FCHO1: variants seen among roughly 807,000 people sequenced by gnomAD.
FCHO1 encodes the protein F-BAR domain only protein 1.
FCHO1 carries 45 observed loss-of-function variants against 114.4 expected under a neutral mutation model. The observed-to-expected ratio is 0.39, with a 90% confidence interval of 0.31 to 0.50. The LOEUF is 0.50. Ranked by LOEUF, FCHO1 falls within the 20% of genes least tolerant of loss-of-function variation. FCHO1 has a pLI of 0.77. For missense variants in FCHO1, 1,042 were observed against 1,209.6 expected (o/e 0.86, Z 2.06); for synonymous variants, 480 against 488.9 (o/e 0.98, Z 0.24).
chr19:17,781,169 C>A, intron 20 of FCHO1, 62 bp from the exon 21 acceptor site: 1 of 1,253,758 alleles, frequency 8.0e-7, no homozygotes, highest in Non-Finnish European at 1.1e-6. Context: ...GTTTGTGCCC[C>A]TGGGGAGGCC....
At position 17,771,168 on chromosome 19, in the gene FCHO1, A is replaced by T. The variant is rs1195499760; in HGVS notation, c.594+272A>T. ...CTCAGGAGGCTGAGGCGGGAGAATC[A>T]CTTGAACCAGAAGGCGGAGGTTGCA... On this transcript the variant is annotated intron_variant, in intron 9 of 28. Coordinates refer to ENST00000596536, the MANE Select transcript of FCHO1 (RefSeq NM_015122.3). Among the ~76,000 whole-genome samples, 4 of 150,504 alleles carry T rather than the reference A, an allele frequency of 2.7e-5. No homozygotes were observed. In the South Asian group the frequency reaches 6.3e-4, roughly 24 times the overall value.
chr19:17,783,576 T>A (rs1446893229), intron 24 of FCHO1, among the ~76,000 whole-genome samples: 1 of 150,570 alleles, frequency 6.6e-6, no homozygotes, highest in Non-Finnish European at 1.5e-5. Flanking sequence ...CTTGATTTTT[T>A]TTTTTTAATT....
intron 9 of FCHO1, 35 bp from the exon 10 acceptor site, chr19:17,772,422 C>T (rs747589172): frequency 1.8e-5 from 27 of 1,541,204 alleles, no homozygotes; most frequent in Non-Finnish European, 2.4e-5. Flanking sequence ...TTGGCCCTGA[C>T]CTCCTTTCCA....
chr19:17,763,572 TTTTTTTC>T (rs1265025421), intron 5 of FCHO1, among the ~76,000 whole-genome samples: 1 of 146,034 alleles, frequency 6.8e-6, no homozygotes, highest in Non-Finnish European at 1.5e-5. Context: ...CCTTTTTTTT[TTTTTTTC>T]TTTTTGGAGA....
At chr19:17,771,373 AAAG>A in intron 9 of FCHO1, among the ~76,000 whole-genome samples, 1 of 150,946 alleles carries the variant, frequency 6.6e-6, no homozygotes, top group Non-Finnish European at 1.5e-5. Context: ...AAAAAAAAGA[AAAG>A]AAAAGAAAAA....
In FCHO1 at chr19:17,784,091, G is replaced by A. The variant is rs1162474684; in HGVS notation, c.2094-12G>A. On this transcript the variant is annotated splice_polypyrimidine_tract_variant and intron_variant, in intron 24 of 28. Coordinates refer to ENST00000596536, the MANE Select transcript of FCHO1 (RefSeq NM_015122.3). This position sits in a 1 kb window ranked among gnomAD's most constrained non-coding sequence, Gnocchi z 5.3. ...TCCCGAGGATTGGGGTGATCAGTCC[G>A]GGTCTCTGCAGTGACCCCTCCCAGA... 14 of 1,613,510 alleles carry A rather than the reference G, an allele frequency of 8.7e-6. No homozygotes were observed. Among genetic ancestry groups the A allele is most frequent in the Middle Eastern group, 1.6e-4 (1 of 6,080 alleles).
intron 23 of FCHO1, among the ~76,000 whole-genome samples, chr19:17,782,070 C>T (rs1298851024): frequency 1.3e-5 from 2 of 149,156 alleles, no homozygotes; most frequent in African/African-American, 2.5e-5. Flanking sequence ...GGTGCAATCT[C>T]GCAATCTCAG....
intron 23 of FCHO1, 115 bp from the exon 24 acceptor site, chr19:17,782,902 C>T (rs2093555549): frequency 1.7e-6 from 2 of 1,175,566 alleles, no homozygotes; most frequent in East Asian, 2.5e-5. Context: ...CAGGGCCATC[C>T]TCCTAGATCC....
At position 17,778,794 on chromosome 19, in the gene FCHO1, A is replaced by T. The variant is rs1008728700; in HGVS notation, c.1537A>T (p.Arg513Trp). The change falls in exon 20 of 29, where the codon AGG (arginine) becomes TGG (tryptophan). Residue 513 changes from arginine (R) to tryptophan (W), a missense_variant. This residue lies in a region of FCHO1 where 455 missense variants were observed against 455.4 expected (regional missense o/e 1.00). Coordinates refer to ENST00000596536, the MANE Select transcript of FCHO1 (RefSeq NM_015122.3). Reference protein sequence around the residue: ...PSCRAPPPEARGIRAPPLPDS... With the variant: ...PSCRAPPPEAWGIRAPPLPDS... ...CTGTAGGGCGCCACCCCCAGAGGCC[A>T]GGGGTATCCGGGCACCGCCTCTGCC... The T allele has an allele frequency of 1.3e-6, 2 of 1,541,086 alleles. No individual in the cohort carries two copies. The highest frequency in any genetic ancestry group is 1.4e-5 in the African/African-American group (1 of 73,500).
At chr19:17,783,272 T>TC (rs1249096818) in intron 24 of FCHO1, 100 bp downstream of exon 24, 73 of 896,066 alleles carry the variant, frequency 8.1e-5, no homozygotes, top group Middle Eastern at 3.3e-4. Context: ...TTTTCTTTTC[T>TC]TTTTTTTTTG....
At chr19:17,756,444 C>T (rs904445469) in intron 4 of FCHO1, among the ~76,000 whole-genome samples, 2 of 152,236 alleles carry the variant, frequency 1.3e-5, no homozygotes, top group African/African-American at 4.8e-5. Flanking sequence ...TGCAGGCTCG[C>T]TGCAGAAAAT....
intron 11 of FCHO1, among the ~76,000 whole-genome samples, chr19:17,773,901 CTCT>C (rs143065724): frequency 0.15 from 11,445 of 76,532 alleles, 515 homozygotes; most frequent in Non-Finnish European, 0.22. Flanking sequence ...CTCTCTCTCT[CTCT>C]TTTTTTTTTT....
intron 26 of FCHO1, among the ~76,000 whole-genome samples, chr19:17,785,833 CAAAAAA>C: frequency 1.5e-5 from 2 of 130,446 alleles, no homozygotes; most frequent in African/African-American, 5.6e-5. Flanking sequence ...GACTCCGTCT[CAAAAAA>C]AAAAAAAAAT....
At position 17,776,390 on chromosome 19, in the gene FCHO1, TCA is replaced by T; in HGVS notation, c.1207+120_1207+121del. On this transcript the variant is annotated intron_variant, in intron 17 of 28. Coordinates refer to ENST00000596536, the MANE Select transcript of FCHO1 (RefSeq NM_015122.3). The surrounding 1 kb of genome is among the most constrained non-coding windows in gnomAD (Gnocchi z 4.4). ...GCAGGCTGCTTAACCACACTGACCT[TCA>T]GTCTCCTTTTCTGTAAAATGAGGTC... 1 of 1,293,610 alleles carries T rather than the reference TCA, an allele frequency of 7.7e-7. No individual in the cohort carries two copies. Among genetic ancestry groups the T allele is most frequent in the Non-Finnish European group, 1.1e-6 (1 of 889,222 alleles). The allele number at this position is 1,293,610 out of a possible 1,614,324, so 80.1% of individuals were successfully genotyped here.
intron 1 of FCHO1, among the ~76,000 whole-genome samples, chr19:17,754,010 G>A (rs1235111826): frequency 1.3e-5 from 2 of 152,160 alleles, no homozygotes; most frequent in African/African-American, 2.4e-5. Context: ...ACAGAGAGGG[G>A]CAGCCTTGCC....
At chr19:17,781,187 C>T in intron 20 of FCHO1, 44 bp from the exon 21 acceptor site, 1 of 1,439,286 alleles carries the variant, frequency 6.9e-7, no homozygotes, top group South Asian at 1.2e-5. Flanking sequence ...GCCCCAGAGG[C>T]CCCGGGCAGC....
upstream of FCHO1, among the ~76,000 whole-genome samples, chr19:17,751,059 G>C (rs12978286): frequency 0.51 from 77,118 of 151,812 alleles, 20,740 homozygotes; most frequent in African/African-American, 0.64. This position sits in a 1 kb window ranked among gnomAD's most constrained non-coding sequence, Gnocchi z 4.4. Context: ...CCAGGATAGT[G>C]TCAACCTCTT....
rs1599724622 is a variant in FCHO1, at chr19:17,776,753, C to T, written c.1259+67C>T. On this transcript the variant is annotated intron_variant, in intron 18 of 28. Coordinates refer to ENST00000596536, the MANE Select transcript of FCHO1 (RefSeq NM_015122.3). This position sits in a 1 kb window ranked among gnomAD's most constrained non-coding sequence, Gnocchi z 4.4. ...TCCTCCCTCCACCTCCCCATGTCTC[C>T]GCCTGGTGTTCTCTTGTCCCGGCTG... The T allele has an allele frequency of 2.1e-6, 3 of 1,461,358 alleles. No individual in the cohort carries two copies. The highest frequency in any genetic ancestry group is 1.2e-5 in the South Asian group (1 of 86,580). The allele number at this position is 1,461,358 out of a possible 1,614,324, so 90.5% of individuals were successfully genotyped here.
intron 7 of FCHO1, among the ~76,000 whole-genome samples, chr19:17,767,113 G>T (rs1430460750): frequency 6.6e-6 from 1 of 150,846 alleles, no homozygotes; most frequent in Non-Finnish European, 1.5e-5. Context: ...AAGAGACAGG[G>T]TCTCACTCTG....
Sources: allele counts gnomAD v4.1 joint callset (sites outside exome capture counted in the v4.1 genomes callset), GRCh38; gene constraint gnomAD v4.1.1; regional missense constraint gnomAD v4.1.1; non-coding constraint Gnocchi (gnomAD v3.1); transcripts MANE v1.5; gene names NCBI Gene and HGNC (gene_info 2026-07-23, HGNC 2026-07-21).